PTK2: variants seen among roughly 807,000 people sequenced by gnomAD.
The protein encoded by PTK2 is protein tyrosine kinase 2, also known as focal adhesion kinase 1.
In PTK2, 45 loss-of-function variants were observed where a neutral mutation model predicts 150.1. The observed-to-expected ratio is 0.30, with a 90% confidence interval of 0.24 to 0.38. The LOEUF (loss-of-function observed/expected upper bound fraction) is 0.38. Ranked by LOEUF, PTK2 falls within the 10% of genes least tolerant of loss-of-function variation. The pLI is 1.00. For missense variants in PTK2, 919 were observed against 1,307.3 expected (o/e 0.70, Z 4.58); for synonymous variants, 432 against 449.2 (o/e 0.96, Z 0.48).
chr8:140,866,914 TATG>T (rs1189750980), intron 4 of PTK2, among the ~76,000 whole-genome samples: 13 of 152,330 alleles, frequency 8.5e-5, no homozygotes, highest in African/African-American at 2.9e-4. Flanking sequence ...GACACTCTGA[TATG>T]ATGATATCTG....
At chr8:140,996,701 T>C (rs112839795) in intron 1 of PTK2, among the ~76,000 whole-genome samples, 4,106 of 152,348 alleles carry the variant, frequency 0.027, 78 homozygotes, top group Middle Eastern at 0.054. Flanking sequence ...CATGTTTTAC[T>C]GAATATTTTA....
intron 8 of PTK2, among the ~76,000 whole-genome samples, chr8:140,829,082 T>C (rs1488493379): frequency 6.6e-6 from 1 of 152,224 alleles, no homozygotes; most frequent in African/African-American, 2.4e-5. Flanking sequence ...ATTTCACTAA[T>C]AGATCAGGAA....
At position 140,660,739 on chromosome 8, in the gene PTK2, C is replaced by T. The variant is rs994725130; in HGVS notation, c.2947-1061G>A. On this transcript the variant is annotated intron_variant, in intron 31 of 31. Transcript: ENST00000522684. ...AGACCATTATGTACGCCCCTCCCCC[C>T]GCACACATTAAGTCAGGGCAGCAAT... The T allele has an allele frequency of 1.6e-4, 62 of 399,760 alleles. 1 individual carries two copies. The highest frequency in any genetic ancestry group is 7.5e-4 in the East Asian group (10 of 13,254). 24.8% of individuals were successfully genotyped at this position (399,760 alleles called of 1,614,324 possible).
At chr8:140,843,375 T>C (rs1216111994) in intron 7 of PTK2, among the ~76,000 whole-genome samples, 1 of 152,182 alleles carries the variant, frequency 6.6e-6, no homozygotes, top group Non-Finnish European at 1.5e-5. Context: ...TATGTCTGGC[T>C]CTCTTCATTC....
At chr8:140,693,083 C>A (rs1397695730) in intron 26 of PTK2, among the ~76,000 whole-genome samples, 2 of 151,952 alleles carry the variant, frequency 1.3e-5, no homozygotes, top group East Asian at 3.9e-4. Context: ...AAGCAAGTTG[C>A]AAAGTTACTC....
intron 14 of PTK2, among the ~76,000 whole-genome samples, chr8:140,766,101 C>A (rs1000050271): frequency 6.6e-6 from 1 of 152,172 alleles, no homozygotes; most frequent in Non-Finnish European, 1.5e-5. Flanking sequence ...TCAAACTCTG[C>A]ACCTCTGCTT....
chr8:140,804,762 C>G (rs1463858050), intron 10 of PTK2, among the ~76,000 whole-genome samples: 1 of 152,212 alleles, frequency 6.6e-6, no homozygotes, highest in Non-Finnish European at 1.5e-5. Flanking sequence ...CTGCCCTTCC[C>G]AGCAAAGCAT....
intron 3 of PTK2, among the ~76,000 whole-genome samples, chr8:140,882,461 C>G (rs1000710506): frequency 6.6e-6 from 1 of 152,168 alleles, no homozygotes. Context: ...CTCATCGTGA[C>G]TTTGAAGACA....
chr8:140,801,863 T>C lies in PTK2; in HGVS notation c.976-1287A>G, dbSNP rs923367273. Among the ~76,000 whole-genome samples, 3 of 152,266 alleles carry C rather than the reference T, an allele frequency of 2.0e-5. No homozygotes were observed. The East Asian group carries it at 5.8e-4, about 29-fold the overall frequency. ...TGGTGGTTCCATAAGATTTATATAATAGAGCTAAGAATTCCTATTGCTAGG... is the reference window on the plus strand; with the variant it reads ...TGGTGGTTCCATAAGATTTATATAACAGAGCTAAGAATTCCTATTGCTAGG... On this transcript the variant is annotated intron_variant, in intron 11 of 31. Transcript: ENST00000522684.
intron 29 of PTK2, 103 bp downstream of exon 33, chr8:140,669,624 G>T: frequency 7.5e-7 from 1 of 1,334,196 alleles, no homozygotes; most frequent in Non-Finnish European, 1.0e-6. Context: ...AGGCCGAAGT[G>T]CCCTCCCACT....
chr8:140,930,583 A>G (rs1335325288), intron 1 of PTK2, among the ~76,000 whole-genome samples: 2 of 152,202 alleles, frequency 1.3e-5, no homozygotes, highest in African/African-American at 4.8e-5. Flanking sequence ...TCTGTTTCAA[A>G]TAACTTTCTA....
At chr8:140,855,489 G>T (rs2100131986) in intron 5 of PTK2, among the ~76,000 whole-genome samples, 1 of 152,146 alleles carries the variant, frequency 6.6e-6, no homozygotes, top group South Asian at 2.1e-4. Flanking sequence ...CAGCTACTCA[G>T]GAGGCTGAGG....
At chr8:140,815,481 G>C (rs780035223) in intron 10 of PTK2, among the ~76,000 whole-genome samples, 2 of 151,898 alleles carry the variant, frequency 1.3e-5, no homozygotes, top group Non-Finnish European at 2.9e-5. Context: ...TTAATACCTG[G>C]GTGACAAAGT....
chr8:140,989,752 T>C (rs975299976), intron 1 of PTK2, among the ~76,000 whole-genome samples: 5 of 151,364 alleles, frequency 3.3e-5, no homozygotes, highest in Non-Finnish European at 4.4e-5. Context: ...CTACTAAAAA[T>C]ACAAAATTAG....
At chr8:140,888,931 A>G (rs13250888) in intron 3 of PTK2, among the ~76,000 whole-genome samples, 63,235 of 152,058 alleles carry the variant, frequency 0.42, 15,103 homozygotes, top group Non-Finnish European at 0.55. Context: ...AGCCTTACAT[A>G]AAGTTACATC....
At chr8:140,660,788 A>C (rs1588661823) in intron 31 of PTK2, 2 of 340,790 alleles carry the variant, frequency 5.9e-6, no homozygotes, top group East Asian at 1.7e-4. Context: ...AATGAACACA[A>C]AATGCTGTCC....
intron 10 of PTK2, among the ~76,000 whole-genome samples, chr8:140,814,207 C>T (rs1216327104): frequency 1.3e-5 from 2 of 152,174 alleles, no homozygotes; most frequent in Non-Finnish European, 2.9e-5. Context: ...GGATTCACAG[C>T]CAAATTCTAC....
chr8:140,885,872 C>T (rs980126229), intron 3 of PTK2, among the ~76,000 whole-genome samples: 1 of 151,998 alleles, frequency 6.6e-6, no homozygotes, highest in Non-Finnish European at 1.5e-5. Context: ...TAAATGAAAC[C>T]GGGTTCTGAG....
At chr8:140,968,949 C>A (rs963406940) in intron 1 of PTK2, among the ~76,000 whole-genome samples, 5 of 152,184 alleles carry the variant, frequency 3.3e-5, no homozygotes, top group Admixed American at 6.5e-5. Context: ...CATGGCCCAG[C>A]TGAAACTGGT....
Sources: gnomAD v4.1 joint callset for allele counts (sites outside exome capture counted in the v4.1 genomes callset) on GRCh38, gnomAD v4.1.1 for gene constraint, MANE v1.5 for transcripts, NCBI Gene and HGNC (gene_info 2026-07-23, HGNC 2026-07-21) for gene names.